EVC2: variants seen among roughly 807,000 people sequenced by gnomAD.
EVC2 encodes the protein EvC ciliary complex subunit 2.
A neutral mutation model predicts 149.3 loss-of-function variants in EVC2; 148 were observed. That is an observed-to-expected ratio of 0.99 (90% CI 0.87 to 1.14). The LOEUF (loss-of-function observed/expected upper bound fraction) is 1.14. Ranked by LOEUF, EVC2 falls within the 50% of genes most tolerant of loss-of-function variation. The pLI, the probability that EVC2 is intolerant of heterozygous loss-of-function variation, is 0.00. For missense variants in EVC2, 1,854 were observed against 1,627.3 expected, an observed-to-expected ratio of 1.14 and a Z score of -2.40; for synonymous variants, 776 against 649.9, an observed-to-expected ratio of 1.19 and a Z score of -2.95.
downstream of EVC2, among the ~76,000 whole-genome samples, chr4:5,540,302 G>C (rs559662987): frequency 6.6e-6 from 1 of 152,322 alleles, no homozygotes; most frequent in South Asian, 2.1e-4. Context: ...GTATACACCT[G>C]TCATATGTTC....
At position 5,645,690 on chromosome 4, in the gene EVC2, C is replaced by A. The variant is rs186042268; in HGVS notation, c.1146-4852G>T. ...ATGAGCATTTAGGTGGATTCCATAT[C>A]TTTGCTATTGTGAATAGTGCTGCAA... On this transcript the variant is annotated intron_variant, in intron 9 of 21. Transcript: ENST00000344408. 3.8e-4 allele frequency among the ~76,000 whole-genome samples: 58 copies of A among 152,262 alleles called. No individual in the cohort carries two copies. The East Asian group carries it at 0.011, about 28-fold the overall frequency.
rs1715737484 is a variant in EVC2, at chr4:5,622,180, T to C, written c.2501+357A>G. 6.6e-6 allele frequency among the ~76,000 whole-genome samples: 1 copy of C among 151,972 alleles called. No individual in the cohort carries two copies. Among genetic ancestry groups the C allele is most frequent in the Non-Finnish European group, 1.5e-5 (1 of 67,974 alleles). On this transcript the variant is annotated intron_variant, in intron 14 of 21. Transcript: ENST00000344408. This position sits in a 1 kb window ranked among gnomAD's most constrained non-coding sequence, Gnocchi z 5.8. Reference sequence around the variant, plus strand: ...CCCCTCCCCAGGGGACATTTCTTATTAGGGGAACCAGCACATTCCCATTTA... The same window carrying C: ...CCCCTCCCCAGGGGACATTTCTTATCAGGGGAACCAGCACATTCCCATTTA...
chr4:5,658,114 T>C (rs1718649733), intron 9 of EVC2, among the ~76,000 whole-genome samples: 1 of 152,206 alleles, frequency 6.6e-6, no homozygotes, highest in African/African-American at 2.4e-5. Context: ...TTTGCTTGTA[T>C]ACTCTCTATA....
At chr4:5,615,357 G>C in intron 16 of EVC2, 65 bp downstream of exon 16, 2 of 1,611,208 alleles carry the variant, frequency 1.2e-6, no homozygotes, top group East Asian at 2.2e-5. Flanking sequence ...CTGCAAATGT[G>C]TCAGCTATCA....
rs1183496151 is a variant in EVC2 at position 5,576,170 on chromosome 4, T to G, written c.3272+70A>C. 1 of 1,612,126 alleles carries G rather than the reference T, an allele frequency of 6.2e-7. No individual in the cohort carries two copies. The highest frequency in any genetic ancestry group is 1.3e-5 in the African/African-American group (1 of 74,896). Reference sequence around the variant, plus strand: ...CCCAGGTGGGTATGGGTGGGCTGAGTTGGAGATGCCAGGTTCTCCAGGACT... The same window carrying G: ...CCCAGGTGGGTATGGGTGGGCTGAGGTGGAGATGCCAGGTTCTCCAGGACT... On this transcript the variant is annotated intron_variant, in intron 18 of 21. Transcript: ENST00000344408. The surrounding 1 kb of genome is among the most constrained non-coding windows in gnomAD (Gnocchi z 4.5).
chr4:5,535,405 T>C, the EVC2 span, among the ~76,000 whole-genome samples: 1 of 152,088 alleles, frequency 6.6e-6, no homozygotes, highest in Non-Finnish European at 1.5e-5. The surrounding 1 kb of genome is among the most constrained non-coding windows in gnomAD (Gnocchi z 4.7). Context: ...CTGTCCTGAA[T>C]CTCGAGGGAA....
At chr4:5,581,436 G>C (rs1711775360) in intron 17 of EVC2, among the ~76,000 whole-genome samples, 1 of 152,224 alleles carries the variant, frequency 6.6e-6, no homozygotes, top group Non-Finnish European at 1.5e-5. Flanking sequence ...AACTCATTGG[G>C]AACTGCAGTA....
In EVC2 at chr4:5,576,529, G is replaced by A. The variant is rs936755496; in HGVS notation, c.3058-75C>T. 1.6e-5 allele frequency: 25 copies of A among 1,535,404 alleles called. No individual in the cohort carries two copies. Among genetic ancestry groups the A allele is most frequent in the Middle Eastern group, 2.2e-4 (1 of 4,544 alleles). On this transcript the variant is annotated intron_variant, in intron 17 of 21. Coordinates refer to ENST00000344408, the MANE Select transcript of EVC2 (RefSeq NM_147127.5). This position sits in a 1 kb window ranked among gnomAD's most constrained non-coding sequence, Gnocchi z 4.5. Reference sequence around the variant, plus strand: ...GGTGGAGGACAAAATCTGACCTCCTGGGTGTCTTGCTACAAGTCTGGCATG... The same window carrying A: ...GGTGGAGGACAAAATCTGACCTCCTAGGTGTCTTGCTACAAGTCTGGCATG...
chr4:5,560,040 G>A (rs17686580), downstream of EVC2, among the ~76,000 whole-genome samples: 1,142 of 151,982 alleles, frequency 7.5e-3, 5 homozygotes, highest in Non-Finnish European at 0.012. The surrounding 1 kb of genome is among the most constrained non-coding windows in gnomAD (Gnocchi z 4.1). Flanking sequence ...TCGTATGTGC[G>A]TCTCACACCT....
intron 11 of EVC2, among the ~76,000 whole-genome samples, chr4:5,631,293 T>C (rs1181730891): frequency 6.6e-6 from 1 of 152,180 alleles, no homozygotes; most frequent in Non-Finnish European, 1.5e-5. Flanking sequence ...AGTGGTGCTA[T>C]CATGGCTCAC....
intron 1 of EVC2, among the ~76,000 whole-genome samples, chr4:5,703,783 T>C (rs1560240913): frequency 6.6e-6 from 1 of 152,144 alleles, no homozygotes; most frequent in Non-Finnish European, 1.5e-5. Flanking sequence ...AACAGTAACA[T>C]ACCATATATA....
downstream of EVC2, among the ~76,000 whole-genome samples, chr4:5,541,598 T>G (rs532245614): frequency 9.2e-5 from 14 of 152,332 alleles, no homozygotes; most frequent in African/African-American, 3.1e-4. Flanking sequence ...TCTCAGCCTC[T>G]CCACCTTCCT....
chr4:5,687,386 T>C (rs1389406127), intron 5 of EVC2, among the ~76,000 whole-genome samples: 1 of 152,130 alleles, frequency 6.6e-6, no homozygotes, highest in Non-Finnish European at 1.5e-5. Flanking sequence ...CACAGCGCCT[T>C]CCTAGGTGGG....
chr4:5,601,168 T>C (rs1231278278), intron 16 of EVC2, among the ~76,000 whole-genome samples: 1 of 152,146 alleles, frequency 6.6e-6, no homozygotes, highest in African/African-American at 2.4e-5. Flanking sequence ...CTACGGGCCC[T>C]GGCTATAGGC....
In EVC2 at chr4:5,618,424, G is replaced by T. The variant is rs1715429766; in HGVS notation, c.2706+54C>A. Reference sequence around the variant, plus strand: ...GAAGAGGCCAGACCCTGTAGGGCCAGCAGCTGGGAGACGGCCCTGCTTCTG... The same window carrying T: ...GAAGAGGCCAGACCCTGTAGGGCCATCAGCTGGGAGACGGCCCTGCTTCTG... On this transcript the variant is annotated intron_variant, in intron 15 of 21. Transcript: ENST00000344408. This position sits in a 1 kb window ranked among gnomAD's most constrained non-coding sequence, Gnocchi z 4.4. The T allele has an allele frequency of 1.5e-5, 24 of 1,603,012 alleles. No homozygotes were observed. The highest frequency in any genetic ancestry group is 1.4e-5 in the Non-Finnish European group (16 of 1,172,498).
intron 7 of EVC2, among the ~76,000 whole-genome samples, chr4:5,680,244 T>G (rs894143857): frequency 1.3e-5 from 2 of 152,186 alleles, no homozygotes; most frequent in East Asian, 3.8e-4. Context: ...AAAGTATGTA[T>G]AGTAAATACG....
chr4:5,627,671 G>A (rs1037061236), intron 12 of EVC2, among the ~76,000 whole-genome samples: 13 of 152,156 alleles, frequency 8.5e-5, no homozygotes, highest in African/African-American at 3.1e-4. Flanking sequence ...AGCTGAGAAG[G>A]AATGCTGCAG....
chr4:5,664,863 T>C (rs1719149250), intron 8 of EVC2, among the ~76,000 whole-genome samples: 1 of 152,070 alleles, frequency 6.6e-6, no homozygotes, highest in Non-Finnish European at 1.5e-5. Flanking sequence ...GGAATTCTAG[T>C]CTCAGGTAAT....
At chr4:5,560,292 T>C (rs1001206906), downstream of EVC2, among the ~76,000 whole-genome samples, 2 of 152,136 alleles carry the variant, frequency 1.3e-5, no homozygotes, top group Non-Finnish European at 2.9e-5. The surrounding 1 kb of genome is among the most constrained non-coding windows in gnomAD (Gnocchi z 4.1). Flanking sequence ...GAACACTTCA[T>C]TCTCACATTG....
Sources: gnomAD v4.1 joint callset for allele counts (sites outside exome capture counted in the v4.1 genomes callset) on GRCh38, gnomAD v4.1.1 for gene constraint, Gnocchi (gnomAD v3.1) non-coding constraint, MANE v1.5 for transcripts, NCBI Gene and HGNC (gene_info 2026-07-23, HGNC 2026-07-21) for gene names.